NLK: variants seen among roughly 807,000 people sequenced by gnomAD.
The protein encoded by NLK is serine/threonine-protein kinase NLK.
In NLK, 11 loss-of-function variants were observed where a neutral mutation model predicts 59.0. The observed-to-expected ratio is 0.19, with a 90% confidence interval of 0.12 to 0.31. The LOEUF is 0.31. Among genes scored for constraint, NLK ranks in the 10% least tolerant of loss-of-function variants. The pLI, the probability that NLK is intolerant of heterozygous loss-of-function variation, is 1.00. For missense variants in NLK, 410 were observed against 661.1 expected (o/e 0.62, Z 4.16); for synonymous variants, 235 against 235.9 (o/e 1.00, Z 0.03).
At chr17:28,069,289 T>C (rs1481831219) in intron 1 of NLK, among the ~76,000 whole-genome samples, 1 of 152,252 alleles carries the variant, frequency 6.6e-6, no homozygotes, top group African/African-American at 2.4e-5. Flanking sequence ...CATATGTCAG[T>C]GTATGAATAT....
the NLK span, among the ~76,000 whole-genome samples, chr17:28,201,972 C>A: frequency 6.6e-6 from 1 of 152,032 alleles, no homozygotes; most frequent in Admixed American, 6.5e-5. Context: ...GCCAAGACTG[C>A]GCCACTGCAC....
chr17:28,165,165 T>G (rs1051925800), intron 5 of NLK, among the ~76,000 whole-genome samples: 7 of 152,148 alleles, frequency 4.6e-5, no homozygotes, highest in African/African-American at 1.7e-4. Flanking sequence ...CCCATAATCG[T>G]TTTTTAATTA....
intron 1 of NLK, among the ~76,000 whole-genome samples, chr17:28,046,574 A>G (rs928437090): frequency 2.0e-5 from 3 of 152,188 alleles, no homozygotes; most frequent in Non-Finnish European, 2.9e-5. Context: ...GCAACCCACA[A>G]ATAGTAACTT....
intron 7 of NLK, among the ~76,000 whole-genome samples, chr17:28,179,453 G>A (rs1210992585): frequency 6.6e-6 from 1 of 152,064 alleles, no homozygotes; most frequent in East Asian, 1.9e-4. Context: ...TCTCCCGGCT[G>A]GGAATGGTGG....
At chr17:28,073,404 A>T (rs938369826) in intron 1 of NLK, among the ~76,000 whole-genome samples, 1 of 152,170 alleles carries the variant, frequency 6.6e-6, no homozygotes, top group Admixed American at 6.5e-5. Flanking sequence ...TCCACCGAGG[A>T]TTGGCCAGTA....
At chr17:28,136,077 A>G (rs894800219) in intron 3 of NLK, among the ~76,000 whole-genome samples, 2 of 152,204 alleles carry the variant, frequency 1.3e-5, no homozygotes, top group Non-Finnish European at 2.9e-5. Context: ...TTCCTCCTCA[A>G]AATTGTTCGC....
chr17:28,177,973 G>T (rs1908751760), intron 7 of NLK, among the ~76,000 whole-genome samples: 1 of 152,188 alleles, frequency 6.6e-6, no homozygotes, highest in Admixed American at 6.5e-5. Context: ...ATGGAGGAAA[G>T]AAGGTGCATT....
chr17:28,184,973 A>G (rs180786532), intron 7 of NLK, among the ~76,000 whole-genome samples: 1 of 152,204 alleles, frequency 6.6e-6, no homozygotes, highest in East Asian at 1.9e-4. Flanking sequence ...AAATAAGTAA[A>G]TAAATAAATA....
intron 1 of NLK, among the ~76,000 whole-genome samples, chr17:28,080,769 C>T (rs1910316581): frequency 6.6e-6 from 1 of 152,184 alleles, no homozygotes; most frequent in Non-Finnish European, 1.5e-5. Flanking sequence ...GAAGACCAAA[C>T]ATCCAAAATG....
chr17:28,155,267 AAGTC>A (rs1277286594), intron 3 of NLK, among the ~76,000 whole-genome samples: 1 of 152,210 alleles, frequency 6.6e-6, no homozygotes, highest in Non-Finnish European at 1.5e-5. Context: ...GGTCATTAAA[AAGTC>A]AGGAAACAAC....
intron 1 of NLK, chr17:28,116,317 C>A: frequency 4.9e-6 from 1 of 203,804 alleles, no homozygotes; most frequent in Non-Finnish European, 1.1e-5. Flanking sequence ...GTTTCAGGAT[C>A]AGACCATGCT....
chr17:28,073,116 T>A (rs113704017), intron 1 of NLK, among the ~76,000 whole-genome samples: 3 of 152,256 alleles, frequency 2.0e-5, no homozygotes, highest in African/African-American at 7.2e-5. Context: ...CACCACTAGT[T>A]TGAATTTTAG....
chr17:28,157,932 A>G (rs1177998368), intron 3 of NLK, among the ~76,000 whole-genome samples: 1 of 152,264 alleles, frequency 6.6e-6, no homozygotes, highest in Admixed American at 6.5e-5. Flanking sequence ...GGGACCTACT[A>G]TGTGCACTAT....
At chr17:28,049,512 T>G (rs1597651718) in intron 1 of NLK, among the ~76,000 whole-genome samples, 1 of 152,170 alleles carries the variant, frequency 6.6e-6, no homozygotes, top group Non-Finnish European at 1.5e-5. Flanking sequence ...CTGCTGCTGT[T>G]GTCTGTATTG....
intron 1 of NLK, among the ~76,000 whole-genome samples, chr17:28,101,723 TGTCA>T (rs968864795): frequency 1.3e-5 from 2 of 152,218 alleles, no homozygotes; most frequent in African/African-American, 2.4e-5. Flanking sequence ...TTTTATCATC[TGTCA>T]GTCAGGACGT....
In NLK at chr17:28,176,293, A is replaced by G. The variant is rs562174356; in HGVS notation, c.1149+3675A>G. ...GTTTAAACTCATGAAGAATACTTCTAAAAATTCAATACAAGTTTTTGAGTT... is the reference window on the plus strand; with the variant it reads ...GTTTAAACTCATGAAGAATACTTCTGAAAATTCAATACAAGTTTTTGAGTT... On this transcript the variant is annotated intron_variant, in intron 7 of 10. Coordinates refer to ENST00000407008, the MANE Select transcript of NLK (RefSeq NM_016231.5). 1.1e-3 allele frequency among the ~76,000 whole-genome samples: 172 copies of G among 152,370 alleles called. 1 individual carries two copies. The highest frequency in any genetic ancestry group is 3.8e-3 in the African/African-American group (159 of 41,596).
intron 1 of NLK, among the ~76,000 whole-genome samples, chr17:28,108,293 A>G (rs1905288496): frequency 1.3e-5 from 2 of 152,188 alleles, no homozygotes; most frequent in Admixed American, 1.3e-4. Context: ...TTTTTCATAT[A>G]TATTTGTAAC....
intron 1 of NLK, among the ~76,000 whole-genome samples, chr17:28,063,793 A>T (rs1361785019): frequency 6.6e-6 from 1 of 152,200 alleles, no homozygotes; most frequent in African/African-American, 2.4e-5. Context: ...TTAGAAGTGC[A>T]TTTGGAAGCT....
At chr17:28,128,789 A>G (rs191044110) in intron 2 of NLK, among the ~76,000 whole-genome samples, 2 of 152,216 alleles carry the variant, frequency 1.3e-5, no homozygotes. Flanking sequence ...TGACCCAGCA[A>G]TTCTATTTCG....
Sources: allele counts gnomAD v4.1 joint callset (sites outside exome capture counted in the v4.1 genomes callset), GRCh38; gene constraint gnomAD v4.1.1; transcripts MANE v1.5; gene names NCBI Gene and HGNC (gene_info 2026-07-23, HGNC 2026-07-21).